The following EVC2 variants were observed in gnomAD, a reference collection of about 807,000 sequenced individuals.
EVC2 encodes the protein EvC ciliary complex subunit 2.
A neutral mutation model predicts 149.3 loss-of-function variants in EVC2; 148 were observed. The observed-to-expected ratio is 0.99, with a 90% CI of 0.87 to 1.14. The LOEUF (loss-of-function observed/expected upper bound fraction) is 1.14. EVC2 is among the 50% of genes most tolerant of loss of function. The pLI is 0.00. For synonymous variants in EVC2, 776 were observed against 649.9 expected, an observed-to-expected ratio of 1.19 and a Z score of -2.95; for missense variants, 1,854 against 1,627.3, an observed-to-expected ratio of 1.14 and a Z score of -2.40.
chr4:5,651,926 AT>A, intron 9 of EVC2, among the ~76,000 whole-genome samples: 1 of 152,344 alleles, frequency 6.6e-6, no homozygotes, highest in South Asian at 2.1e-4. Context: ...AACCTTGCAT[AT>A]ATCTGATGAT....
chr4:5,646,917 C>A (rs1329033454), intron 9 of EVC2, among the ~76,000 whole-genome samples: 1 of 152,180 alleles, frequency 6.6e-6, no homozygotes, highest in Non-Finnish European at 1.5e-5. Flanking sequence ...ACAGGGATGC[C>A]ATACTTTGTA....
rs777144379 is a variant in EVC2 at position 5,563,004 on chromosome 4, A to G, written c.3771T>C (p.Ile1257=). The G allele has an allele frequency of 3.7e-5, 60 of 1,614,048 alleles. No homozygotes were observed. The highest frequency in any genetic ancestry group is 1.3e-4 in the Admixed American group (8 of 60,006). ...ATAGATCAATGGTTTCTGCCCCTAC[A>G]ATGGGTACAGGGGCCAGTTCGCCAA... ...EPIGELAPVP[I]VGAETIDLLN... Residue 1257 remains isoleucine (I), a synonymous_variant, in exon 22 of 22, where the codon ATT becomes ATC. Coordinates refer to ENST00000344408, the MANE Select transcript of EVC2 (RefSeq NM_147127.5).
At chr4:5,692,072 A>C (rs919370083) in intron 3 of EVC2, among the ~76,000 whole-genome samples, 1 of 152,190 alleles carries the variant, frequency 6.6e-6, no homozygotes, top group African/African-American at 2.4e-5. Context: ...TGATGACCAC[A>C]TCTTTCCCAC....
chr4:5,556,156 G>C lies in EVC2; in HGVS notation c.3419+9102C>G, dbSNP rs1158367943. Among the ~76,000 whole-genome samples the C allele has an allele frequency of 4.4e-5, 5 of 113,858 alleles. No individual in the cohort carries two copies. The South Asian group carries it at 1.5e-3, about 34-fold the overall frequency. 74.7% of individuals were successfully genotyped at this position (113,858 alleles called of 152,430 possible). On this transcript the variant is annotated intron_variant and NMD_transcript_variant, in intron 21 of 22. Coordinates refer to the EVC2 transcript ENST00000475313. ...ATCGTGCCATTGCACTCTAACCCCA[G>C]GTGACAGTGTGAGACTCCGTCTCAA...
At chr4:5,594,343 C>A (rs1219045641) in intron 16 of EVC2, among the ~76,000 whole-genome samples, 3 of 152,160 alleles carry the variant, frequency 2.0e-5, no homozygotes, top group African/African-American at 4.8e-5. Flanking sequence ...AGACTGACAC[C>A]TCACACGGCC....
chr4:5,703,425 C>T (rs1721953262), intron 1 of EVC2, among the ~76,000 whole-genome samples: 1 of 152,082 alleles, frequency 6.6e-6, no homozygotes, highest in Non-Finnish European at 1.5e-5. Context: ...TGCTACATCC[C>T]CAGGAGCTGC....
intron 9 of EVC2, among the ~76,000 whole-genome samples, chr4:5,651,532 T>C (rs139392223): frequency 1.6e-4 from 24 of 152,146 alleles, no homozygotes; most frequent in African/African-American, 5.8e-4. Context: ...GAATGACTGA[T>C]AGGTAGGTAG....
At chr4:5,646,402 T>C (rs1159389874) in intron 9 of EVC2, among the ~76,000 whole-genome samples, 1 of 152,168 alleles carries the variant, frequency 6.6e-6, no homozygotes. Flanking sequence ...TAATGGCTTT[T>C]TTTTCCTTGG....
At chr4:5,584,593 C>A in intron 17 of EVC2, 30 bp downstream of exon 17, 1 of 1,603,210 alleles carries the variant, frequency 6.2e-7, no homozygotes, top group South Asian at 1.1e-5. Context: ...CCAGCTCTGT[C>A]CCCCTCTCCT....
intron 16 of EVC2, among the ~76,000 whole-genome samples, chr4:5,591,704 T>C (rs1417151481): frequency 6.6e-6 from 1 of 152,222 alleles, no homozygotes; most frequent in Non-Finnish European, 1.5e-5. Context: ...GAAAGCTTAG[T>C]TTGTTAGTTC....
rs764792763 is a variant in EVC2, at chr4:5,615,418, T to C, written c.2829+4A>G. The C allele has an allele frequency of 3.1e-6, 5 of 1,614,214 alleles. No homozygotes were observed. Among genetic ancestry groups the C allele is most frequent in the East Asian group, 4.5e-5 (2 of 44,874 alleles). ...AAACAGCTGGGTGAAGCAGATGTAC[T>C]GACCTTTTCCACCAGGTCTTCAGAG... On this transcript the variant is annotated splice_donor_region_variant and intron_variant, in intron 16 of 21. Coordinates refer to ENST00000344408, the MANE Select transcript of EVC2 (RefSeq NM_147127.5).
intron 16 of EVC2, among the ~76,000 whole-genome samples, chr4:5,605,320 C>G (rs1714299586): frequency 6.6e-6 from 1 of 152,138 alleles, no homozygotes; most frequent in African/African-American, 2.4e-5. Context: ...GCTACCTTGT[C>G]TTTGGGAACT....
intron 3 of EVC2, among the ~76,000 whole-genome samples, chr4:5,693,063 G>T (rs1376078587): frequency 2.6e-5 from 4 of 152,098 alleles, no homozygotes; most frequent in Non-Finnish European, 5.9e-5. Flanking sequence ...CCTCAAGCAG[G>T]GACCTGGCTT....
intron 9 of EVC2, among the ~76,000 whole-genome samples, chr4:5,646,172 C>A (rs889430211): frequency 2.0e-5 from 3 of 152,166 alleles, no homozygotes; most frequent in African/African-American, 7.2e-5. Context: ...CTCAAGTGAT[C>A]CACCTCCCTC....
intron 16 of EVC2, among the ~76,000 whole-genome samples, chr4:5,602,994 C>A (rs1444163739): frequency 6.6e-6 from 1 of 152,136 alleles, no homozygotes; most frequent in Non-Finnish European, 1.5e-5. Context: ...GCTCTTCTTT[C>A]AGCAGAAGCC....
intron 21 of EVC2, among the ~76,000 whole-genome samples, chr4:5,552,657 C>T (rs1200854357): frequency 2.0e-5 from 3 of 152,184 alleles, no homozygotes; most frequent in African/African-American, 7.2e-5. Flanking sequence ...AGCACAACCA[C>T]AGTTGCCTTT....
At position 5,637,807 on chromosome 4, in the gene EVC2, CT is replaced by C. The variant is rs905076555; in HGVS notation, c.1470+2706del. Reference sequence around the variant, plus strand: ...ACTGAGTTGTGGGATGGGCTTCTCTCTTTTTTTTTTTTTTCAGGGCTTTTTC... The same window carrying C: ...ACTGAGTTGTGGGATGGGCTTCTCTCTTTTTTTTTTTTTCAGGGCTTTTTC... On this transcript the variant is annotated intron_variant, in intron 10 of 21. Transcript: ENST00000344408. This position sits in a 1 kb window ranked among gnomAD's most constrained non-coding sequence, Gnocchi z 4.4. Among the ~76,000 whole-genome samples, 595 of 138,854 alleles carry C rather than the reference CT, an allele frequency of 4.3e-3. 3 individuals are homozygous for C. The highest frequency in any genetic ancestry group is 8.4e-3 in the African/African-American group (319 of 38,122). The allele number at this position is 138,854 out of a possible 152,430, so 91.1% of individuals were successfully genotyped here.
intron 16 of EVC2, among the ~76,000 whole-genome samples, chr4:5,605,722 A>G (rs185954183): frequency 2.0e-5 from 3 of 152,320 alleles, no homozygotes; most frequent in South Asian, 2.1e-4. Flanking sequence ...TTACAGTCCA[A>G]CAGATCTGAC....
At chr4:5,628,258 G>A (rs755567926) in intron 12 of EVC2, among the ~76,000 whole-genome samples, 5 of 151,838 alleles carry the variant, frequency 3.3e-5, no homozygotes, top group African/African-American at 9.7e-5. Flanking sequence ...GGACCTTTAC[G>A]AGATGATTAG....
Sources: allele counts gnomAD v4.1 joint callset (sites outside exome capture counted in the v4.1 genomes callset), GRCh38; gene constraint gnomAD v4.1.1; non-coding constraint Gnocchi (gnomAD v3.1); transcripts MANE v1.5; gene names NCBI Gene and HGNC (gene_info 2026-07-23, HGNC 2026-07-21).